Variants in KDM4C observed in about 807,000 individuals in gnomAD.
KDM4C encodes lysine demethylase 4C.
In KDM4C, 81 loss-of-function variants were observed where a neutral mutation model predicts 129.3. The observed-to-expected ratio is 0.63, with a 90% CI of 0.52 to 0.75. The LOEUF (loss-of-function observed/expected upper bound fraction) is 0.75, where lower values mean the gene tolerates loss of function less well. Among genes scored for constraint, KDM4C ranks in the 30% least tolerant of loss-of-function variants. The probability of loss-of-function intolerance (pLI) is 0.00; values close to 1 mark genes in which losing one functional copy is unlikely to be tolerated. For synonymous variants in KDM4C, 573 were observed against 456.1 expected (o/e 1.26, Z -3.26); for missense variants, 1,457 against 1,304.0 (o/e 1.12, Z -1.81).
intron 17 of KDM4C, among the ~76,000 whole-genome samples, chr9:7,064,654 G>C (rs1006860535): frequency 1.3e-5 from 2 of 152,194 alleles, no homozygotes; most frequent in African/African-American, 4.8e-5. Flanking sequence ...GTGGGAGGAA[G>C]TATATATTGG....
chr9:7,000,744 T>C (rs1162472452), intron 12 of KDM4C, among the ~76,000 whole-genome samples: 3 of 152,228 alleles, frequency 2.0e-5, no homozygotes, highest in Non-Finnish European at 4.4e-5. Context: ...AACGCCAGTT[T>C]CTTTTTCTTG....
chr9:7,034,374 C>G (rs373266305), intron 15 of KDM4C, among the ~76,000 whole-genome samples: 12 of 152,176 alleles, frequency 7.9e-5, no homozygotes, highest in African/African-American at 2.7e-4. Context: ...GTCTATCCTT[C>G]TCAGCCTCTA....
chr9:7,065,402 C>G (rs1338621982), intron 17 of KDM4C, among the ~76,000 whole-genome samples: 1 of 151,902 alleles, frequency 6.6e-6, no homozygotes, highest in Non-Finnish European at 1.5e-5. Context: ...TTAATTAAAA[C>G]TTTCAAATTT....
At chr9:7,143,542 A>G (rs532894244) in intron 19 of KDM4C, among the ~76,000 whole-genome samples, 1 of 152,276 alleles carries the variant, frequency 6.6e-6, no homozygotes, top group African/African-American at 2.4e-5. Flanking sequence ...CCCTCCTTTT[A>G]TGTGTTTTTA....
intron 19 of KDM4C, among the ~76,000 whole-genome samples, chr9:7,141,172 A>G (rs1479913139): frequency 1.3e-5 from 2 of 152,218 alleles, no homozygotes. Flanking sequence ...AAAGAATTGG[A>G]AAGTCCACAG....
rs2131912021 is a variant in KDM4C at position 6,990,512 on chromosome 9, C to T, written c.1774C>T (p.Pro592Ser). 6.2e-7 allele frequency: 1 copy of T among 1,608,056 alleles called. No individual in the cohort carries two copies. Among genetic ancestry groups the T allele is most frequent in the Non-Finnish European group, 8.5e-7 (1 of 1,176,808 alleles). ...SPMTLVKQQA[P>S]SDEELPEVLS... ...GATGACTCTTGTGAAGCAGCAGGCG[C>T]CAAGTGATGAAGGTGAGATGGTGAC... The change falls in exon 12 of 22, where the codon CCA (proline) becomes TCA (serine). Residue 592 changes from proline to serine, a missense_variant. Pro to Ser is a moderately conservative substitution (Grantham distance 74). Transcript: ENST00000381309.
At chr9:7,105,921 C>T (rs1837635071) in intron 18 of KDM4C, among the ~76,000 whole-genome samples, 1 of 152,160 alleles carries the variant, frequency 6.6e-6, no homozygotes, top group Admixed American at 6.5e-5. Context: ...TACAGATCCA[C>T]TTTCAGCTTG....
intron 15 of KDM4C, among the ~76,000 whole-genome samples, chr9:7,020,639 T>G (rs557033153): frequency 3.1e-4 from 47 of 152,346 alleles, no homozygotes; most frequent in Non-Finnish European, 6.2e-4. Context: ...ACTCTTCATG[T>G]ACATCTCACT....
chr9:7,122,265 A>ACACACACACACACACACTCTCTCT (rs375655422), intron 18 of KDM4C, among the ~76,000 whole-genome samples: 37 of 144,714 alleles, frequency 2.6e-4, no homozygotes, highest in African/African-American at 8.3e-4. Context: ...ACACACACAC[A>ACACACACACACACACACTCTCTCT]CTCTCTCTCT....
At chr9:6,805,902 T>G (rs1829880607) in intron 3 of KDM4C, 128 bp downstream of exon 3, 3 of 766,448 alleles carry the variant, frequency 3.9e-6, no homozygotes, top group Non-Finnish European at 6.0e-6. Context: ...CACCCTTCAT[T>G]GAACTGTTTC....
intron 8 of KDM4C, among the ~76,000 whole-genome samples, chr9:6,970,960 C>G (rs1831880146): frequency 2.0e-5 from 3 of 152,124 alleles, no homozygotes; most frequent in Admixed American, 1.3e-4. Context: ...CTTTCAGACC[C>G]CATGAGGAAA....
chr9:7,171,315 T>TA (rs1844938883), intron 21 of KDM4C, among the ~76,000 whole-genome samples: 1 of 152,198 alleles, frequency 6.6e-6, no homozygotes, highest in African/African-American at 2.4e-5. Context: ...GTTGTAAAGA[T>TA]ACCAGCCAAA....
chr9:6,859,723 G>A (rs925978461), intron 5 of KDM4C, among the ~76,000 whole-genome samples: 3 of 151,408 alleles, frequency 2.0e-5, no homozygotes, highest in Admixed American at 6.6e-5. Context: ...AAATTTAGCC[G>A]GGCGTGGTTG....
chr9:6,988,555 T>G (rs1486093817), intron 11 of KDM4C, among the ~76,000 whole-genome samples: 1 of 152,168 alleles, frequency 6.6e-6, no homozygotes, highest in Non-Finnish European at 1.5e-5. Flanking sequence ...TTTGTGTAGT[T>G]TTGGTCAGTT....
At chr9:7,108,839 T>C (rs1367246165) in intron 18 of KDM4C, among the ~76,000 whole-genome samples, 1 of 152,246 alleles carries the variant, frequency 6.6e-6, no homozygotes, top group Non-Finnish European at 1.5e-5. Flanking sequence ...TAGTAGTTCT[T>C]ATCCTGTATT....
intron 3 of KDM4C, among the ~76,000 whole-genome samples, chr9:6,810,616 A>G (rs1830969660): frequency 6.6e-6 from 1 of 152,174 alleles, no homozygotes; most frequent in South Asian, 2.1e-4. Flanking sequence ...TCACGCTTGT[A>G]GTCCCAACAC....
rs528071739 is a variant in KDM4C, at chr9:7,110,622, C to T, written c.2610+6752C>T. On this transcript the variant is annotated intron_variant, in intron 18 of 21. Transcript: ENST00000381309. ...GGATCCACAGCCTGATTATGGTGCACATACTCTTCCACAGGGGGCCTCTGC... is the reference window on the plus strand; with the variant it reads ...GGATCCACAGCCTGATTATGGTGCATATACTCTTCCACAGGGGGCCTCTGC... Among the ~76,000 whole-genome samples, 4 of 152,286 alleles carry T rather than the reference C, an allele frequency of 2.6e-5. No individual in the cohort carries two copies. The South Asian group carries it at 6.2e-4, about 24-fold the overall frequency.
intron 15 of KDM4C, among the ~76,000 whole-genome samples, chr9:7,017,133 C>T (rs556367275): frequency 2.6e-4 from 39 of 152,116 alleles, no homozygotes; most frequent in Non-Finnish European, 5.1e-4. Flanking sequence ...GACAAGGTCT[C>T]ACTATGTTGC....
chr9:7,050,429 A>G (rs1356428977), intron 17 of KDM4C, among the ~76,000 whole-genome samples: 2 of 132,674 alleles, frequency 1.5e-5, no homozygotes, highest in Non-Finnish European at 3.2e-5. Context: ...TTGAAATCTT[A>G]TACCCAGATT....
Sources: gnomAD v4.1 joint callset for allele counts (sites outside exome capture counted in the v4.1 genomes callset) on GRCh38, gnomAD v4.1.1 for gene constraint, MANE v1.5 for transcripts, NCBI Gene and HGNC (gene_info 2026-07-23, HGNC 2026-07-21) for gene names.